PXDNL: variants seen among roughly 807,000 people sequenced by gnomAD.
The protein encoded by PXDNL is peroxidasin like, also known as probable oxidoreductase PXDNL.
A neutral mutation model predicts 150.8 loss-of-function variants in PXDNL; 145 were observed. The observed-to-expected ratio is 0.96, with a 90% CI of 0.84 to 1.10. The LOEUF (loss-of-function observed/expected upper bound fraction) is 1.10, where lower values mean the gene tolerates loss of function less well. Among genes scored for constraint, PXDNL ranks in the 50% least tolerant of loss-of-function variants. The probability of loss-of-function intolerance (pLI) is 0.00; values close to 1 mark genes in which losing one functional copy is unlikely to be tolerated. For synonymous variants in PXDNL, 757 were observed against 725.7 expected, an observed-to-expected ratio of 1.04 and a Z score of -0.69; for missense variants, 2,087 against 1,873.9, an observed-to-expected ratio of 1.11 and a Z score of -2.10.
At chr8:51,510,785 C>G (rs143217550) in intron 4 of PXDNL, among the ~76,000 whole-genome samples, 1 of 152,230 alleles carries the variant, frequency 6.6e-6, no homozygotes, top group African/African-American at 2.4e-5. Flanking sequence ...CATCTGAGGT[C>G]AGGAGTTTGT....
intron 1 of PXDNL, among the ~76,000 whole-genome samples, chr8:51,709,445 A>G (rs150203658): frequency 1.3e-5 from 2 of 151,994 alleles, no homozygotes; most frequent in Admixed American, 6.6e-5. Context: ...TAGTAGAGAC[A>G]GGGTTTCACC....
rs1805258936 is a variant in PXDNL at position 51,319,664 on chromosome 8, T to G, written c.*227A>C. 3.4e-6 allele frequency: 1 copy of G among 296,980 alleles called. No homozygotes were observed. The highest frequency in any genetic ancestry group is 6.1e-6 in the Non-Finnish European group (1 of 163,296). The allele number at this position is 296,980 out of a possible 1,614,324, so 18.4% of individuals were successfully genotyped here. A position where few individuals can be genotyped will look rare whatever the true frequency, so the allele number is the denominator to read the frequency against. Reference sequence around the variant, plus strand: ...TTACAGTAAGAAATATTTCTTATGATCAAACACTTCATATGCACTTTATTG... The same window carrying G: ...TTACAGTAAGAAATATTTCTTATGAGCAAACACTTCATATGCACTTTATTG... On this transcript the variant is annotated 3_prime_UTR_variant, in exon 23 of 23. Transcript: ENST00000356297.
intron 17 of PXDNL, among the ~76,000 whole-genome samples, chr8:51,392,690 A>G (rs901244260): frequency 6.6e-6 from 1 of 152,090 alleles, no homozygotes; most frequent in East Asian, 1.9e-4. Flanking sequence ...TGCAAACAGG[A>G]ACAATTTGAC....
At chr8:51,721,214 C>T (rs986291755) in intron 1 of PXDNL, among the ~76,000 whole-genome samples, 11 of 152,192 alleles carry the variant, frequency 7.2e-5, no homozygotes, top group African/African-American at 2.7e-4. Flanking sequence ...GCAGAGACCA[C>T]GAAAACTAAA....
At chr8:51,500,842 A>T (rs1811162919) in intron 4 of PXDNL, among the ~76,000 whole-genome samples, 1 of 152,234 alleles carries the variant, frequency 6.6e-6, no homozygotes, top group Admixed American at 6.5e-5. Context: ...AAGCTTTACA[A>T]CCCACGTTTC....
chr8:51,784,083 G>C (rs1380255518), intron 1 of PXDNL, among the ~76,000 whole-genome samples: 4 of 152,184 alleles, frequency 2.6e-5, no homozygotes, highest in Non-Finnish European at 4.4e-5. Context: ...ACACTACTCA[G>C]AAATCTCTGC....
At chr8:51,446,050 A>G (rs1256058606) in intron 12 of PXDNL, among the ~76,000 whole-genome samples, 2 of 152,176 alleles carry the variant, frequency 1.3e-5, no homozygotes, top group East Asian at 1.9e-4. Flanking sequence ...TTTAAAAAAA[A>G]CATTTAATAT....
chr8:51,360,427 C>T (rs115157280), intron 19 of PXDNL, among the ~76,000 whole-genome samples: 3,791 of 152,228 alleles, frequency 0.025, 156 homozygotes, highest in African/African-American at 0.083. Flanking sequence ...ATGTATCATA[C>T]GTGCACATAG....
At chr8:51,525,636 T>G (rs1811755423) in intron 4 of PXDNL, among the ~76,000 whole-genome samples, 1 of 152,182 alleles carries the variant, frequency 6.6e-6, no homozygotes, top group African/African-American at 2.4e-5. Flanking sequence ...GTGAGTCTGA[T>G]GCTATAAATA....
intron 1 of PXDNL, among the ~76,000 whole-genome samples, chr8:51,702,439 A>G (rs1816276073): frequency 1.3e-5 from 2 of 152,198 alleles, no homozygotes; most frequent in East Asian, 1.9e-4. Flanking sequence ...GGAAAAACTT[A>G]TTTTAAATCC....
chr8:51,492,853 G>C (rs997674583), intron 5 of PXDNL, among the ~76,000 whole-genome samples: 1 of 152,330 alleles, frequency 6.6e-6, no homozygotes, highest in Middle Eastern at 3.4e-3. Context: ...TCCACCTCTG[G>C]GGGCAGGGCA....
intron 19 of PXDNL, among the ~76,000 whole-genome samples, chr8:51,349,840 T>C (rs1806281374): frequency 6.6e-6 from 1 of 152,148 alleles, no homozygotes; most frequent in Admixed American, 6.5e-5. Flanking sequence ...TAAAAATATG[T>C]CAAAATTGAT....
chr8:51,702,911 C>G (rs1337759860), intron 1 of PXDNL, among the ~76,000 whole-genome samples: 1 of 152,122 alleles, frequency 6.6e-6, no homozygotes, highest in African/African-American at 2.4e-5. Flanking sequence ...ATCTATTTGG[C>G]CACAAAGAGG....
At chr8:51,527,522 T>C (rs1811795988) in intron 4 of PXDNL, among the ~76,000 whole-genome samples, 1 of 152,224 alleles carries the variant, frequency 6.6e-6, no homozygotes, top group African/African-American at 2.4e-5. Context: ...AAGTATCCGA[T>C]TTGTTCTACA....
chr8:51,592,249 T>TGG lies in PXDNL; in HGVS notation c.308+377_308+378insCC, dbSNP rs539208960. On this transcript the variant is annotated intron_variant, in intron 3 of 22. Transcript: ENST00000356297. Reference sequence around the variant, plus strand: ...TTCACTGGCTTTGGAAGGTCTTGGATAGATACTCTGTTGGCATAAAGCTCC... The same window carrying TGG: ...TTCACTGGCTTTGGAAGGTCTTGGATGGAGATACTCTGTTGGCATAAAGCTCC... Among the ~76,000 whole-genome samples the TGG allele has an allele frequency of 1.5e-3, 224 of 152,354 alleles. 1 individual carries two copies. Among genetic ancestry groups the TGG allele is most frequent in the African/African-American group, 5.1e-3 (212 of 41,582 alleles).
rs369340312 is a variant in PXDNL, at chr8:51,388,888, T to C, written c.3558-14157A>G. ...ATCTTAATTTAAATTATATATATCA[T>C]GTCTTGAAATTCAGTTTTTCAAATA... On this transcript the variant is annotated intron_variant, in intron 17 of 22. Transcript: ENST00000356297. 2.1e-3 allele frequency among the ~76,000 whole-genome samples: 317 copies of C among 152,332 alleles called. 1 individual carries two copies. The highest frequency in any genetic ancestry group is 7.0e-3 in the African/African-American group (292 of 41,586).
chr8:51,624,238 A>G (rs992564583), intron 2 of PXDNL, among the ~76,000 whole-genome samples: 2 of 152,188 alleles, frequency 1.3e-5, no homozygotes, highest in African/African-American at 4.8e-5. Context: ...CTGGGGAGCC[A>G]AAGGACCACA....
chr8:51,394,658 A>C (rs550010988), intron 17 of PXDNL, among the ~76,000 whole-genome samples: 17 of 152,298 alleles, frequency 1.1e-4, no homozygotes, highest in Middle Eastern at 3.4e-3. Flanking sequence ...TATGTAACAA[A>C]CTATTCATAA....
intron 1 of PXDNL, among the ~76,000 whole-genome samples, chr8:51,690,319 C>A (rs922282170): frequency 6.6e-6 from 1 of 152,142 alleles, no homozygotes; most frequent in African/African-American, 2.4e-5. Context: ...ATCCCTCCCC[C>A]TTCCCCACAC....
Sources: allele counts gnomAD v4.1 joint callset (sites outside exome capture counted in the v4.1 genomes callset), GRCh38; gene constraint gnomAD v4.1.1; transcripts MANE v1.5; gene names NCBI Gene and HGNC (gene_info 2026-07-23, HGNC 2026-07-21).